The following PALLD variants were observed in gnomAD, a reference collection of about 807,000 sequenced individuals.
PALLD encodes palladin.
Under a neutral mutation model 123.5 loss-of-function variants are expected in PALLD, and 61 were observed. That is an observed-to-expected ratio of 0.49 (90% CI 0.40 to 0.61). The LOEUF (loss-of-function observed/expected upper bound fraction) is 0.61, where lower values mean the gene tolerates loss of function less well. PALLD is among the 20% of genes least tolerant of loss of function. The pLI is 0.00. For synonymous variants in PALLD, 465 were observed against 496.4 expected (o/e 0.94, Z 0.84); for missense variants, 1,273 against 1,377.0 (o/e 0.92, Z 1.20).
intron 5 of PALLD, among the ~76,000 whole-genome samples, chr4:168,684,145 A>G (rs1781805076): frequency 1.3e-5 from 2 of 152,212 alleles, no homozygotes; most frequent in Non-Finnish European, 2.9e-5. Flanking sequence ...ATGACAGGAA[A>G]AAATGTCACC....
intron 10 of PALLD, among the ~76,000 whole-genome samples, chr4:168,812,380 G>A (rs922680004): frequency 1.3e-5 from 2 of 152,204 alleles, no homozygotes; most frequent in Admixed American, 1.3e-4. Flanking sequence ...TCGGGGCACT[G>A]TATACACAGA....
intron 10 of PALLD, among the ~76,000 whole-genome samples, chr4:168,838,667 C>CTTTTT (rs70961558): frequency 2.3e-5 from 2 of 88,780 alleles, no homozygotes; most frequent in African/African-American, 5.3e-5. Flanking sequence ...CTTCTAACTC[C>CTTTTT]TTTTTTTTTT....
chr4:168,781,910 G>A (rs1581439701), intron 10 of PALLD, among the ~76,000 whole-genome samples: 1 of 151,886 alleles, frequency 6.6e-6, no homozygotes, highest in Non-Finnish European at 1.5e-5. Flanking sequence ...TAGTGAGAAG[G>A]CCCTCTCTTC....
chr4:168,537,570 A>G (rs1765213548), intron 2 of PALLD: 1 of 152,212 alleles, frequency 6.6e-6, no homozygotes. Context: ...ACCAGCCAAG[A>G]GCAGAAATTC....
Position 168,529,610 on chromosome 4 carries a change from G to A in PALLD, c.908+17198G>A, listed in dbSNP as rs879938703. Among the ~76,000 whole-genome samples, 12 of 151,974 alleles carry A rather than the reference G, an allele frequency of 7.9e-5. No homozygotes were observed. The South Asian group carries it at 8.3e-4, about 10-fold the overall frequency. On this transcript the variant is annotated intron_variant, in intron 2 of 21. Transcript: ENST00000505667. Reference sequence around the variant, plus strand: ...GTTTTATTAAAACCTAAGAACAATCGTTTAATATAAAAAAGTTTTTTGAGA... The same window carrying A: ...GTTTTATTAAAACCTAAGAACAATCATTTAATATAAAAAAGTTTTTTGAGA...
At chr4:168,806,249 A>C (rs1740172880) in intron 10 of PALLD, among the ~76,000 whole-genome samples, 1 of 152,152 alleles carries the variant, frequency 6.6e-6, no homozygotes, top group Non-Finnish European at 1.5e-5. Context: ...TTTTTAGTAG[A>C]GACAGGGTTT....
chr4:168,795,414 A>T (rs1038018721), intron 10 of PALLD, among the ~76,000 whole-genome samples: 1 of 152,232 alleles, frequency 6.6e-6, no homozygotes, highest in African/African-American at 2.4e-5. Context: ...GTGATTTAAG[A>T]TAATTAAGTA....
intron 10 of PALLD, among the ~76,000 whole-genome samples, chr4:168,809,427 A>C (rs1044240953): frequency 6.6e-6 from 1 of 151,846 alleles, no homozygotes; most frequent in Non-Finnish European, 1.5e-5. Flanking sequence ...CTCAGAAGAG[A>C]GGTTAAGACT....
In PALLD at chr4:168,898,546, G is replaced by A. The variant is rs748432333; in HGVS notation, c.2304G>A (p.Arg768=). Residue 768 remains arginine (R), a synonymous_variant, in exon 14 of 22, where the codon AGG becomes AGA. Transcript: ENST00000505667. ...EQRLISEIEY[R]LERSPVDESG... Reference sequence around the variant, plus strand: ...GACTCATCAGTGAAATAGAGTACAGGCTAGAAAGGTCTCCTGTGGATGAAT... The same window carrying A: ...GACTCATCAGTGAAATAGAGTACAGACTAGAAAGGTCTCCTGTGGATGAAT... 6.8e-6 allele frequency: 11 copies of A among 1,613,930 alleles called. No homozygotes were observed. The Admixed American group carries it at 1.8e-4, about 27-fold the overall frequency.
intron 1 of PALLD, among the ~76,000 whole-genome samples, chr4:168,501,125 T>A (rs1455628176): frequency 6.6e-6 from 1 of 152,004 alleles, no homozygotes; most frequent in Non-Finnish European, 1.5e-5. Context: ...TAAGAAAGAA[T>A]GAAATAGCCA....
chr4:168,829,511 A>C (rs565593638), intron 10 of PALLD, among the ~76,000 whole-genome samples: 49 of 152,282 alleles, frequency 3.2e-4, no homozygotes, highest in Non-Finnish European at 5.4e-4. Flanking sequence ...AAAATCATAA[A>C]ATTTAAGAAG....
chr4:168,631,585 G>A, intron 2 of PALLD: 1 of 985,242 alleles, frequency 1.0e-6, no homozygotes, highest in Non-Finnish European at 1.2e-6. Flanking sequence ...GACACACTCC[G>A]CGCACACGCG....
At chr4:168,617,094 C>G (rs1774300727) in intron 2 of PALLD, among the ~76,000 whole-genome samples, 1 of 152,142 alleles carries the variant, frequency 6.6e-6, no homozygotes, top group African/African-American at 2.4e-5. Context: ...GGCACTCAAG[C>G]ATCCATTTTA....
intron 15 of PALLD, among the ~76,000 whole-genome samples, chr4:168,905,642 C>T (rs188711920): frequency 6.6e-6 from 1 of 152,134 alleles, no homozygotes; most frequent in Admixed American, 6.5e-5. Flanking sequence ...TATATTAATG[C>T]ACATTCTTAA....
At chr4:168,557,745 GTAATT>G (rs1767467856) in intron 2 of PALLD, among the ~76,000 whole-genome samples, 2 of 152,182 alleles carry the variant, frequency 1.3e-5, no homozygotes, top group Non-Finnish European at 2.9e-5. Context: ...CTAATCCCAT[GTAATT>G]CTCAAACCTC....
At chr4:168,879,655 T>A (rs967823340) in intron 10 of PALLD, among the ~76,000 whole-genome samples, 6 of 152,244 alleles carry the variant, frequency 3.9e-5, no homozygotes, top group Non-Finnish European at 7.3e-5. Flanking sequence ...TAGCAATGCT[T>A]CTTTTGTTGG....
intron 10 of PALLD, among the ~76,000 whole-genome samples, chr4:168,777,140 G>A (rs557533059): frequency 6.6e-6 from 1 of 152,118 alleles, no homozygotes; most frequent in South Asian, 2.1e-4. Flanking sequence ...CTTACATGGT[G>A]AGGTCCTGAC....
intron 10 of PALLD, among the ~76,000 whole-genome samples, chr4:168,842,596 A>G (rs1426639189): frequency 1.3e-5 from 2 of 152,234 alleles, no homozygotes; most frequent in African/African-American, 4.8e-5. Context: ...CAGGCCATCC[A>G]CAGCCAGCTG....
At chr4:168,589,393 C>A (rs781078839) in intron 2 of PALLD, among the ~76,000 whole-genome samples, 4 of 152,112 alleles carry the variant, frequency 2.6e-5, no homozygotes, top group Non-Finnish European at 5.9e-5. Flanking sequence ...GCCCCAATCC[C>A]TCTGAGTCAG....
Sources: allele counts gnomAD v4.1 joint callset (sites outside exome capture counted in the v4.1 genomes callset), GRCh38; gene constraint gnomAD v4.1.1; transcripts MANE v1.5; gene names NCBI Gene and HGNC (gene_info 2026-07-23, HGNC 2026-07-21).